The following EPHA4 variants were observed in gnomAD, a reference collection of about 807,000 sequenced individuals.
EPHA4 encodes EPH receptor A4.
EPHA4 carries 19 observed loss-of-function variants against 108.3 expected under a neutral mutation model. The observed-to-expected ratio is 0.18, with a 90% CI of 0.12 to 0.26. EPHA4 has a LOEUF of 0.26. Among genes scored for constraint, EPHA4 ranks in the 10% least tolerant of loss-of-function variants. The probability of loss-of-function intolerance (pLI) is 1.00; values close to 1 mark genes in which losing one functional copy is unlikely to be tolerated. For missense variants in EPHA4, 917 were observed against 1,254.0 expected, an observed-to-expected ratio of 0.73 and a Z score of 4.06; for synonymous variants, 449 against 455.5, an observed-to-expected ratio of 0.99 and a Z score of 0.18.
intron 3 of EPHA4, among the ~76,000 whole-genome samples, chr2:221,529,154 A>C (rs771729205): frequency 6.6e-6 from 1 of 152,182 alleles, no homozygotes; most frequent in African/African-American, 2.4e-5. Flanking sequence ...ATTTTCTATA[A>C]TTTACATACA....
At chr2:221,556,592 C>T (rs1314475444) in intron 3 of EPHA4, among the ~76,000 whole-genome samples, 5 of 150,720 alleles carry the variant, frequency 3.3e-5, no homozygotes, top group African/African-American at 7.4e-5. Context: ...TGAGCCACTG[C>T]GCCCAGTCAC....
chr2:221,513,199 C>G (rs1692882300), intron 3 of EPHA4, among the ~76,000 whole-genome samples: 1 of 152,190 alleles, frequency 6.6e-6, no homozygotes, highest in South Asian at 2.1e-4. Context: ...TGAGGGAGAG[C>G]ACAGTCCAAT....
chr2:221,430,860 C>T (rs753695940), intron 14 of EPHA4, among the ~76,000 whole-genome samples: 7 of 152,124 alleles, frequency 4.6e-5, no homozygotes, highest in South Asian at 2.1e-4. Context: ...AGGAGACCCT[C>T]GCACATCTAA....
chr2:221,486,735 AAAT>A (rs34218724), intron 4 of EPHA4, among the ~76,000 whole-genome samples: 4,207 of 138,950 alleles, frequency 0.03, 74 homozygotes, highest in South Asian at 0.075. Flanking sequence ...CTCTGTCTCA[AAAT>A]AATAATAATA....
intron 3 of EPHA4, among the ~76,000 whole-genome samples, chr2:221,521,571 G>GT (rs1427814308): frequency 3.3e-5 from 5 of 152,134 alleles, no homozygotes; most frequent in African/African-American, 1.2e-4. Flanking sequence ...TGCCAAAAGC[G>GT]TAAGTGTCAC....
At chr2:221,445,315 T>C (rs1422488077) in intron 9 of EPHA4, among the ~76,000 whole-genome samples, 1 of 151,856 alleles carries the variant, frequency 6.6e-6, no homozygotes, top group Non-Finnish European at 1.5e-5. Context: ...ACTGGCTGGG[T>C]GCGGTGGCTC....
chr2:221,444,020 C>T (rs1316649812), intron 9 of EPHA4, among the ~76,000 whole-genome samples: 1 of 152,200 alleles, frequency 6.6e-6, no homozygotes, highest in Non-Finnish European at 1.5e-5. Flanking sequence ...CAGCTCTTTC[C>T]ACATGGTGTC....
intron 5 of EPHA4, among the ~76,000 whole-genome samples, chr2:221,472,198 T>C (rs1017241226): frequency 2.6e-5 from 4 of 151,872 alleles, no homozygotes; most frequent in South Asian, 4.2e-4. Context: ...TAAAAATCCC[T>C]GGCTTGTTTA....
intron 3 of EPHA4, among the ~76,000 whole-genome samples, chr2:221,520,363 T>C (rs1458959854): frequency 6.6e-6 from 1 of 152,200 alleles, no homozygotes. Context: ...ATTGCTACAC[T>C]GGGGAATCAG....
intron 5 of EPHA4, among the ~76,000 whole-genome samples, chr2:221,459,145 C>T (rs115655164): frequency 6.6e-6 from 1 of 152,060 alleles, no homozygotes; most frequent in Non-Finnish European, 1.5e-5. Flanking sequence ...CCATGTCTGA[C>T]GAGTATACTG....
At chr2:221,454,767 A>C (rs1227765637) in intron 8 of EPHA4, among the ~76,000 whole-genome samples, 1 of 152,240 alleles carries the variant, frequency 6.6e-6, no homozygotes, top group Non-Finnish European at 1.5e-5. Context: ...GTTCAAAAGA[A>C]GATGCTGCCA....
chr2:221,496,773 G>A (rs760024124), intron 4 of EPHA4, among the ~76,000 whole-genome samples: 6 of 152,092 alleles, frequency 3.9e-5, no homozygotes, highest in Non-Finnish European at 8.8e-5. Context: ...GCTAGATGTG[G>A]TGGCGTGTGC....
At chr2:221,518,945 T>C (rs1248932250) in intron 3 of EPHA4, among the ~76,000 whole-genome samples, 1 of 151,730 alleles carries the variant, frequency 6.6e-6, no homozygotes, top group Non-Finnish European at 1.5e-5. Flanking sequence ...GAGAGCAGAG[T>C]AGTTTTGAAA....
intron 3 of EPHA4, among the ~76,000 whole-genome samples, chr2:221,540,875 C>T (rs189519122): frequency 1.3e-5 from 2 of 149,158 alleles, no homozygotes; most frequent in Non-Finnish European, 3.0e-5. Flanking sequence ...CGGGGGATTA[C>T]ATTAAAAGAA....
At chr2:221,454,049 G>A (rs191865692) in intron 8 of EPHA4, among the ~76,000 whole-genome samples, 5 of 152,052 alleles carry the variant, frequency 3.3e-5, no homozygotes, top group Admixed American at 1.3e-4. Flanking sequence ...GTGTGGTGGC[G>A]TGTGCCTGTA....
At chr2:221,529,840 T>G (rs1004140594) in intron 3 of EPHA4, among the ~76,000 whole-genome samples, 1 of 152,110 alleles carries the variant, frequency 6.6e-6, no homozygotes, top group African/African-American at 2.4e-5. Context: ...TCCCCTACAT[T>G]TGAGGAAACC....
intron 3 of EPHA4, among the ~76,000 whole-genome samples, chr2:221,538,117 G>A (rs931236392): frequency 1.1e-4 from 17 of 152,272 alleles, no homozygotes; most frequent in African/African-American, 3.8e-4. Context: ...TGAATTGAAC[G>A]AAGAGTCTAA....
intron 3 of EPHA4, among the ~76,000 whole-genome samples, chr2:221,533,947 T>C (rs1030677721): frequency 6.6e-6 from 1 of 152,112 alleles, no homozygotes; most frequent in Non-Finnish European, 1.5e-5. Context: ...AAAAGATCCT[T>C]GTGAGTTACC....
intron 8 of EPHA4, among the ~76,000 whole-genome samples, chr2:221,453,645 A>G (rs4674598): frequency 0.38 from 57,795 of 151,918 alleles, 13,130 homozygotes; most frequent in South Asian, 0.55. Context: ...ATGTTTTTGT[A>G]TGTGTGTGTA....
Sources: gnomAD v4.1 joint callset for allele counts (sites outside exome capture counted in the v4.1 genomes callset) on GRCh38, gnomAD v4.1.1 for gene constraint, MANE v1.5 for transcripts, NCBI Gene and HGNC (gene_info 2026-07-23, HGNC 2026-07-21) for gene names.